Variants in PSMA3 observed in about 807,000 individuals in gnomAD.
PSMA3 encodes the protein proteasome subunit alpha type-3.
In PSMA3, 8 loss-of-function variants were observed where a neutral mutation model predicts 40.0. That is an observed-to-expected ratio of 0.20 (90% CI 0.12 to 0.36). PSMA3 has a LOEUF of 0.36. Ranked by LOEUF, PSMA3 falls within the 10% of genes least tolerant of loss-of-function variation. The pLI, the probability that PSMA3 is intolerant of heterozygous loss-of-function variation, is 1.00. For missense variants in PSMA3, 219 were observed against 310.6 expected, an observed-to-expected ratio of 0.70 and a Z score of 2.22; for synonymous variants, 110 against 100.0, an observed-to-expected ratio of 1.10 and a Z score of -0.59.
At chr14:58,246,767 T>C (rs1347950593) in intron 1 of PSMA3, among the ~76,000 whole-genome samples, 2 of 152,234 alleles carry the variant, frequency 1.3e-5, no homozygotes, top group African/African-American at 4.8e-5. Flanking sequence ...ACCTCTTCTC[T>C]CGTCTAAGCT....
At chr14:58,252,056 C>T (rs928829091) in intron 2 of PSMA3, 63 bp from the exon 3 acceptor site, 2 of 1,521,484 alleles carry the variant, frequency 1.3e-6, no homozygotes, top group African/African-American at 1.4e-5. Context: ...TTTTGTTAAA[C>T]TTAAGTTTAT....
chr14:58,269,965 T>G (rs1202706075), intron 8 of PSMA3: 1 of 155,164 alleles, frequency 6.4e-6, no homozygotes, highest in Non-Finnish European at 1.4e-5. Flanking sequence ...TTCTCCTGCC[T>G]TAGCCTCCTG....
rs1890130691 is a variant in PSMA3, at chr14:58,255,796, T to C, written c.229-1949T>C. 2.6e-5 allele frequency among the ~76,000 whole-genome samples: 4 copies of C among 152,162 alleles called. No homozygotes were observed. In the South Asian group the frequency reaches 8.3e-4, roughly 32 times the overall value. ...AAAAAAAAGATATGCCACACTAACATGTGATTTCACTGCAGTGCCTGAGGA... is the reference window on the plus strand; with the variant it reads ...AAAAAAAAGATATGCCACACTAACACGTGATTTCACTGCAGTGCCTGAGGA... On this transcript the variant is annotated intron_variant, in intron 3 of 10. Transcript: ENST00000216455.
chr14:58,271,327 CTTTTTTTTTT>C lies in PSMA3; in HGVS notation c.723+340_723+349del, dbSNP rs60528514. Among the ~76,000 whole-genome samples, 352 of 102,382 alleles carry C rather than the reference CTTTTTTTTTT, an allele frequency of 3.4e-3. 17 individuals carry two copies. In the East Asian group the frequency reaches 0.088, roughly 26 times the overall value. 67.2% of individuals were successfully genotyped at this position (102,382 alleles called of 152,430 possible). On this transcript the variant is annotated intron_variant, in intron 10 of 10. Transcript: ENST00000216455. ...ACTTTTAATACTTTAAATATTTGTT[CTTTTTTTTTT>C]TTTTTTTTTTGAGACGGAGTCTTGC...
intron 3 of PSMA3, among the ~76,000 whole-genome samples, chr14:58,255,638 G>A (rs1047982052): frequency 1.3e-5 from 2 of 152,230 alleles, no homozygotes; most frequent in East Asian, 1.9e-4. Flanking sequence ...GCGTGGTGGC[G>A]CATGCCTGTA....
intron 3 of PSMA3, among the ~76,000 whole-genome samples, chr14:58,256,173 C>G (rs967081360): frequency 1.3e-5 from 2 of 151,702 alleles, no homozygotes; most frequent in Non-Finnish European, 2.9e-5. Context: ...CAGTTCTAAG[C>G]CGCAAATCTT....
chr14:58,263,674 T>A (rs753212427), intron 6 of PSMA3, 31 bp from the exon 7 acceptor site: 2 of 1,544,230 alleles, frequency 1.3e-6, no homozygotes, highest in Non-Finnish European at 1.8e-6. Context: ...GTGTACTAAT[T>A]CAGTGATTAT....
At chr14:58,251,456 A>G (rs1266939098) in intron 2 of PSMA3, among the ~76,000 whole-genome samples, 1 of 152,138 alleles carries the variant, frequency 6.6e-6, no homozygotes, top group Admixed American at 6.5e-5. Flanking sequence ...TGGCTAAGCC[A>G]GGTTTCGCCA....
chr14:58,259,374 G>A (rs1890219135), intron 5 of PSMA3, among the ~76,000 whole-genome samples: 1 of 152,072 alleles, frequency 6.6e-6, no homozygotes, highest in African/African-American at 2.4e-5. Flanking sequence ...GAATGCAGTG[G>A]CACGATCTCA....
At chr14:58,245,403 A>C in intron 1 of PSMA3, 1 of 171,580 alleles carries the variant, frequency 5.8e-6, no homozygotes. Context: ...TTAAGTGTGC[A>C]GATCATTGAC....
intron 2 of PSMA3, among the ~76,000 whole-genome samples, chr14:58,250,745 C>T (rs1889992857): frequency 6.6e-6 from 1 of 152,118 alleles, no homozygotes; most frequent in Admixed American, 6.6e-5. Context: ...GATTGTGGAT[C>T]CCTTTTTAGA....
At chr14:58,269,949 A>C (rs1462051433) in intron 8 of PSMA3, 1 of 153,754 alleles carries the variant, frequency 6.5e-6, no homozygotes, top group Non-Finnish European at 1.4e-5. Flanking sequence ...TCCCGGGTTC[A>C]AGGAATTCTC....
At chr14:58,271,621 A>C (rs1204654165) in intron 10 of PSMA3, among the ~76,000 whole-genome samples, 1 of 152,144 alleles carries the variant, frequency 6.6e-6, no homozygotes, top group Non-Finnish European at 1.5e-5. Context: ...AGGCATGAAC[A>C]CTGCACCAGG....
intron 6 of PSMA3, among the ~76,000 whole-genome samples, chr14:58,261,612 A>G (rs1298019306): frequency 6.6e-6 from 1 of 152,048 alleles, no homozygotes; most frequent in Non-Finnish European, 1.5e-5. Flanking sequence ...ACACTGTCTT[A>G]AAACTGTATT....
chr14:58,271,386 G>GT lies in PSMA3; in HGVS notation c.723+389dup, dbSNP rs1340524345. Among the ~76,000 whole-genome samples, 15 of 138,718 alleles carry GT rather than the reference G, an allele frequency of 1.1e-4. No individual in the cohort carries two copies. In the South Asian group the frequency reaches 3.4e-3, roughly 31 times the overall value. The allele number at this position is 138,718 out of a possible 152,430, so 91.0% of individuals were successfully genotyped here. On this transcript the variant is annotated intron_variant, in intron 10 of 10. Transcript: ENST00000216455. ...GCTCTGTCACCCAGGCTGGAGGGCA[G>GT]TGGCACCATCTCTGCTCACTGCAAC...
In PSMA3 at chr14:58,257,816, A is replaced by G. The variant is rs1472417896; in HGVS notation, c.300A>G (p.Arg100=). The change falls in exon 4 of 11, where the codon AGA becomes AGG. Residue 100 remains arginine (R), a synonymous_variant. Coordinates refer to ENST00000216455, the MANE Select transcript of PSMA3 (RefSeq NM_002788.4). The part of the protein sequence containing the change: ...DIAREEASNF[R]SNFGYNIPLK... ...CAAGAGAAGAAGCTTCCAACTTCAG[A>G]TCTAACTTTGGCTACAACATTCCAC... 2 of 1,613,494 alleles carry G rather than the reference A, an allele frequency of 1.2e-6. No homozygotes were observed. The highest frequency in any genetic ancestry group is 1.3e-5 in the African/African-American group (1 of 74,912).
intron 1 of PSMA3, 129 bp from the exon 2 acceptor site, chr14:58,247,621 C>T: frequency 3.3e-6 from 2 of 600,062 alleles, no homozygotes; most frequent in East Asian, 2.8e-5. Context: ...GTTTCCCTTT[C>T]CTCTCTTGAA....
intron 7 of PSMA3, 32 bp downstream of exon 7, chr14:58,263,802 C>T (rs779761216): frequency 4.2e-5 from 66 of 1,585,376 alleles, no homozygotes; most frequent in African/African-American, 3.6e-4. Context: ...TTTACTATGT[C>T]GTCATCCTAA....
At chr14:58,263,468 A>C in intron 6 of PSMA3, 1 of 361,234 alleles carries the variant, frequency 2.8e-6, no homozygotes, top group Non-Finnish European at 5.0e-6. Context: ...ATGATTACAT[A>C]ATTTACATAT....
Sources: allele counts gnomAD v4.1 joint callset (sites outside exome capture counted in the v4.1 genomes callset), GRCh38; gene constraint gnomAD v4.1.1; transcripts MANE v1.5; gene names NCBI Gene and HGNC (gene_info 2026-07-23, HGNC 2026-07-21).